Variants in ALDOA observed in about 807,000 individuals in gnomAD.
ALDOA encodes the protein fructose-bisphosphate aldolase A.
A neutral mutation model predicts 43.9 loss-of-function variants in ALDOA; 26 were observed. The ratio of observed to expected loss-of-function variants is 0.59; its 90% CI spans 0.43 to 0.82. The LOEUF (loss-of-function observed/expected upper bound fraction) is 0.82. Among genes scored for constraint, ALDOA ranks in the 40% least tolerant of loss-of-function variants. The pLI is 0.00. For missense variants in ALDOA, 498 were observed against 549.5 expected, an observed-to-expected ratio of 0.91 and a Z score of 0.94; for synonymous variants, 258 against 222.6, an observed-to-expected ratio of 1.16 and a Z score of -1.42.
At chr16:30,065,307 TGTGGCCCCTATG>T, upstream of ALDOA, among the ~76,000 whole-genome samples, 1 of 152,324 alleles carries the variant, frequency 6.6e-6, no homozygotes, top group East Asian at 1.9e-4. Flanking sequence ...GACTGCGCGA[TGTGGCCCCTATG>T]GTGACACGCG....
upstream of ALDOA, chr16:30,065,626 G>A (rs1243325775): frequency 6.6e-6 from 1 of 152,228 alleles, no homozygotes; most frequent in Non-Finnish European, 1.5e-5. Context: ...CGCGGCCTCT[G>A]GGCTGCGCCT....
At chr16:30,068,370 A>G in intron 4 of ALDOA, 1 of 467,150 alleles carries the variant, frequency 2.1e-6, no homozygotes, top group Non-Finnish European at 4.0e-6. Flanking sequence ...GGCTTAAGTA[A>G]CTAAATATTT....
chr16:30,069,059 T>G, intron 6 of ALDOA, 81 bp downstream of exon 6: 1 of 1,593,400 alleles, frequency 6.3e-7, no homozygotes, highest in Non-Finnish European at 8.6e-7. Context: ...CCTGCCATGA[T>G]GCCTACCTCC....
Position 30,068,704 on chromosome 16 carries a change from A to G in ALDOA, c.541+4A>G. ...AATGGCGAGACTACCACCCAAGGTG[A>G]GAACTGTTTGATTCTCTGCCCTACG... On this transcript the variant is annotated splice_donor_region_variant and intron_variant, in intron 5 of 9. Transcript: ENST00000642816. 6.2e-7 allele frequency: 1 copy of G among 1,614,212 alleles called. No homozygotes were observed. The highest frequency in any genetic ancestry group is 8.5e-7 in the Non-Finnish European group (1 of 1,180,042).
intron 6 of ALDOA, 98 bp downstream of exon 6, chr16:30,069,076 G>A (rs2072223093): frequency 6.4e-7 from 1 of 1,564,766 alleles, no homozygotes; most frequent in South Asian, 1.1e-5. Context: ...CTCCCCAAAA[G>A]CAAGCATTAG....
chr16:30,067,915 A>G (rs2072178506), intron 4 of ALDOA: 1 of 554,550 alleles, frequency 1.8e-6, no homozygotes, highest in Non-Finnish European at 3.2e-6. Flanking sequence ...GCAGAGCCCC[A>G]GTCTGACACC....
rs778773620 is a variant in ALDOA at position 30,067,369 on chromosome 16, G to A, written c.274+3G>A. On this transcript the variant is annotated splice_donor_region_variant and intron_variant, in intron 3 of 9. Coordinates refer to ENST00000642816, the MANE Select transcript of ALDOA (RefSeq NM_001243177.4). ...CCTGGCTGCAGATGAGTCCACTGGT[G>A]CGGGCAGGAGACAGAATGGGTGGAG... 9.9e-6 allele frequency: 16 copies of A among 1,614,060 alleles called. No individual in the cohort carries two copies. The highest frequency in any genetic ancestry group is 1.4e-5 in the Non-Finnish European group (16 of 1,180,036).
upstream of ALDOA, among the ~76,000 whole-genome samples, chr16:30,065,094 CACGCATGCGCG>C (rs2072053140): frequency 2.0e-5 from 3 of 152,220 alleles, no homozygotes; most frequent in African/African-American, 7.2e-5. Flanking sequence ...GGAGAGCGCG[CACGCATGCGCG>C]ACCCAGCCCG....
chr16:30,068,062 ATTTT>A (rs71143773), intron 4 of ALDOA: 164 of 176,584 alleles, frequency 9.3e-4, no homozygotes, highest in South Asian at 2.4e-3. Context: ...TTTTAAGTAA[ATTTT>A]TTTTTTTTTT....
chr16:30,068,561 C>T, intron 4 of ALDOA, 85 bp from the exon 5 acceptor site: 2 of 1,471,188 alleles, frequency 1.4e-6, no homozygotes, highest in Non-Finnish European at 1.9e-6. Flanking sequence ...TGAGATTCCA[C>T]CACTGTACTC....
rs751467136 is a variant in ALDOA at position 30,070,037 on chromosome 16, T to C, written c.1161+8T>C. On this transcript the variant is annotated splice_region_variant and intron_variant, in intron 9 of 9. Coordinates refer to ENST00000642816, the MANE Select transcript of ALDOA (RefSeq NM_001243177.4). ...TATGTCAAGCGAGCCCTGGTAAGGA[T>C]AGGCAGGAGGTGGGCAGGGTGCCTG... 25 of 1,613,510 alleles carry C rather than the reference T, an allele frequency of 1.5e-5. No homozygotes were observed. The highest frequency in any genetic ancestry group is 1.9e-5 in the Non-Finnish European group (22 of 1,179,964).
At chr16:30,069,016 C>T in intron 6 of ALDOA, 38 bp downstream of exon 6, 1 of 1,613,684 alleles carries the variant, frequency 6.2e-7, no homozygotes, top group Non-Finnish European at 8.5e-7. Flanking sequence ...CCTCCTACCT[C>T]ATTTGGTTCC....
chr16:30,069,725 A>G, intron 8 of ALDOA, 52 bp downstream of exon 8: 1 of 1,611,772 alleles, frequency 6.2e-7, no homozygotes, highest in East Asian at 2.2e-5. Flanking sequence ...CTCCACCCAC[A>G]ACCCTATGCC....
rs1567326067 is a variant in ALDOA at position 30,069,939 on chromosome 16, C to T, written c.1071C>T (p.Gly357=). The change falls in exon 9 of 10, where the codon GGC becomes GGT. Residue 357 remains glycine, a synonymous_variant. Coordinates refer to ENST00000642816, the MANE Select transcript of ALDOA (RefSeq NM_001243177.4). ...LKPWALTFSY[G]RALQASALKA... ...CCTGGGCCCTGACCTTCTCCTACGG[C>T]CGAGCCCTGCAGGCCTCTGCCCTGA... is the stretch of plus-strand genomic sequence containing the variant. The T allele has an allele frequency of 1.9e-6, 3 of 1,614,060 alleles. No homozygotes were observed. The East Asian group carries it at 6.7e-5, about 36-fold the overall frequency.
upstream of ALDOA, among the ~76,000 whole-genome samples, chr16:30,065,218 C>T (rs1404951592): frequency 7.2e-5 from 11 of 152,234 alleles, no homozygotes; most frequent in Admixed American, 7.2e-4. Flanking sequence ...CCCTTTCCTC[C>T]GCCTCCCTTA....
At chr16:30,067,757 T>G in intron 4 of ALDOA, 96 bp downstream of exon 4, 1 of 1,442,698 alleles carries the variant, frequency 6.9e-7, no homozygotes, top group Non-Finnish European at 9.7e-7. Flanking sequence ...ATTGGTGGCC[T>G]AGAGACTTGC....
intron 4 of ALDOA, chr16:30,068,147 T>G (rs1018966675): frequency 3.4e-5 from 9 of 261,584 alleles, no homozygotes; most frequent in African/African-American, 1.1e-4. Context: ...TCACTGCAAG[T>G]TCCGCCTCCC....
In ALDOA at chr16:30,069,927, C is replaced by T. The variant is rs1596816544; in HGVS notation, c.1059C>T (p.Thr353=). The T allele has an allele frequency of 8.1e-6, 13 of 1,613,962 alleles. No individual in the cohort carries two copies. Among genetic ancestry groups the T allele is most frequent in the Admixed American group, 5.0e-5 (3 of 60,014 alleles). ...CCCTGCTGAAGCCCTGGGCCCTGAC[C>T]TTCTCCTACGGCCGAGCCCTGCAGG... The part of the protein sequence containing the change: ...KCPLLKPWAL[T]FSYGRALQAS... Residue 353 remains threonine, a synonymous_variant, in exon 9 of 10, where the codon ACC becomes ACT. Transcript: ENST00000642816.
chr16:30,067,678 C>A lies in ALDOA; in HGVS notation c.486+17C>A. ...GGCATCAAGGTAAGGGGAGGGCCTC[C>A]GGACGTGAGGTTTGAGATGGAAGTG... On this transcript the variant is annotated intron_variant, in intron 4 of 9. Coordinates refer to ENST00000642816, the MANE Select transcript of ALDOA (RefSeq NM_001243177.4). The A allele has an allele frequency of 6.2e-7, 1 of 1,613,786 alleles. No homozygotes were observed. Among genetic ancestry groups the A allele is most frequent in the South Asian group, 1.1e-5 (1 of 91,056 alleles).
Sources: allele counts gnomAD v4.1 joint callset (sites outside exome capture counted in the v4.1 genomes callset), GRCh38; gene constraint gnomAD v4.1.1; transcripts MANE v1.5; gene names NCBI Gene and HGNC (gene_info 2026-07-23, HGNC 2026-07-21).